Variants in C3orf49 observed in about 807,000 individuals in gnomAD.
C3orf49 encodes the protein putative uncharacterized protein C3orf49.
A neutral mutation model predicts 13.3 loss-of-function variants in C3orf49; 27 were observed. The observed-to-expected ratio is 2.02, with a 90% confidence interval of 1.49 to 2.79. The LOEUF (loss-of-function observed/expected upper bound fraction) is 2.79. C3orf49 is among the 30% of genes most tolerant of loss of function. The pLI is 0.00. For missense variants in C3orf49, 242 were observed against 134.2 expected (o/e 1.80, Z -3.97); for synonymous variants, 87 against 47.6 (o/e 1.83, Z -3.40).
the C3orf49 span, among the ~76,000 whole-genome samples, chr3:63,785,374 C>T: frequency 6.6e-6 from 1 of 151,980 alleles, no homozygotes; most frequent in Non-Finnish European, 1.5e-5. Context: ...GCCTGGCCTC[C>T]ACTGGACTTC....
chr3:63,816,903 G>A (rs1170407972), upstream of C3orf49, among the ~76,000 whole-genome samples: 2 of 150,650 alleles, frequency 1.3e-5, no homozygotes, highest in Admixed American at 6.6e-5. Context: ...CTCCTGAGTA[G>A]CTGGGACTAC....
chr3:63,793,401 CCCCCCTTTTATCCT>C, the C3orf49 span, among the ~76,000 whole-genome samples: 1 of 152,062 alleles, frequency 6.6e-6, no homozygotes, highest in Non-Finnish European at 1.5e-5. Flanking sequence ...TCATCAGCAA[CCCCCCTTTTATCCT>C]CCACCTCTTC....
intron 5 of C3orf49, chr3:63,839,880 T>A (rs1008838662): frequency 1.2e-6 from 1 of 866,364 alleles, no homozygotes; most frequent in Non-Finnish European, 1.8e-6. Flanking sequence ...TATTGAAATG[T>A]AAATGCATTT....
intron 6 of C3orf49, among the ~76,000 whole-genome samples, chr3:63,847,768 T>A (rs1191499402): frequency 6.6e-6 from 1 of 152,126 alleles, no homozygotes; most frequent in Non-Finnish European, 1.5e-5. Context: ...AACTCTGACA[T>A]AACTTTTAGT....
At chr3:63,814,082 A>G in the C3orf49 span, among the ~76,000 whole-genome samples, 2 of 152,206 alleles carry the variant, frequency 1.3e-5, no homozygotes, top group Non-Finnish European at 2.9e-5. Context: ...TAGCAAGAAG[A>G]TGCAAAAACA....
the C3orf49 span, among the ~76,000 whole-genome samples, chr3:63,800,689 G>A: frequency 6.6e-6 from 1 of 152,030 alleles, no homozygotes; most frequent in East Asian, 1.9e-4. Context: ...TAGCTAATAC[G>A]TTAATATTGC....
the C3orf49 span, among the ~76,000 whole-genome samples, chr3:63,808,962 T>G: frequency 6.6e-6 from 1 of 151,810 alleles, no homozygotes; most frequent in East Asian, 1.9e-4. Flanking sequence ...AAAATTAATG[T>G]GCTTTTTTTT....
At position 63,819,519 on chromosome 3, in the gene C3orf49, C is replaced by T; in HGVS notation, c.48C>T (p.Tyr16=). The change falls in exon 1 of 7, where the codon TAC becomes TAT. Residue 16 remains tyrosine, a synonymous_variant. Transcript: ENST00000295896. The part of the protein sequence containing the change: ...LYLPEPFKIA[Y]RKVGQCRRFQ... ...TACCAGAACCCTTTAAGATTGCCTA[C>T]AGAAAAGTTGGACAGTGCCGAAGAT... 1 of 703,116 alleles carries T rather than the reference C, an allele frequency of 1.4e-6. No homozygotes were observed. 43.6% of individuals were successfully genotyped at this position (703,116 alleles called of 1,614,324 possible). A position where few individuals can be genotyped will look rare whatever the true frequency, so the allele number is the denominator to read the frequency against.
intron 5 of C3orf49, chr3:63,835,314 A>G (rs1158108116): frequency 6.2e-7 from 1 of 1,613,534 alleles, no homozygotes; most frequent in South Asian, 1.1e-5. Flanking sequence ...CTAAATATAT[A>G]TGCGAATACC....
the C3orf49 span, among the ~76,000 whole-genome samples, chr3:63,808,294 T>C: frequency 1.3e-5 from 2 of 152,254 alleles, no homozygotes; most frequent in African/African-American, 4.8e-5. Flanking sequence ...AAATTCATTA[T>C]GTTTTATTAG....
At position 63,831,686 on chromosome 3, in the gene C3orf49, G is replaced by T; in HGVS notation, c.691G>T (p.Asp231Tyr). 1 of 703,008 alleles carries T rather than the reference G, an allele frequency of 1.4e-6. No individual in the cohort carries two copies. The highest frequency in any genetic ancestry group is 1.5e-5 in the South Asian group (1 of 67,554). The allele number at this position is 703,008 out of a possible 1,614,324, so 43.5% of individuals were successfully genotyped here. A position where few individuals can be genotyped will look rare whatever the true frequency, so the allele number is the denominator to read the frequency against. ...TTGTATTTATCTGTCATAGGTGGATGACCTCATAGAAACAGTGACTGATAA... is the reference window on the plus strand; with the variant it reads ...TTGTATTTATCTGTCATAGGTGGATTACCTCATAGAAACAGTGACTGATAA... The part of the protein sequence containing the change: ...TVGKLQMQVD[D>Y]LIETVTDKSM... The change falls in exon 5 of 7, where the codon GAC (aspartate) becomes TAC (tyrosine). Residue 231 changes from aspartate (D) to tyrosine (Y), a missense_variant. Asp to Tyr is a radical substitution (Grantham distance 160). Coordinates refer to ENST00000295896, the MANE Select transcript of C3orf49 (RefSeq NM_001355236.2).
At chr3:63,828,322 CAG>C (rs1402359509) in intron 3 of C3orf49, among the ~76,000 whole-genome samples, 4 of 152,136 alleles carry the variant, frequency 2.6e-5, no homozygotes, top group Admixed American at 1.3e-4. Flanking sequence ...TGTTTTGAGA[CAG>C]AGTCTCACTC....
chr3:63,823,540 C>T lies in C3orf49; in HGVS notation c.416C>T (p.Thr139Ile), dbSNP rs1278579176. 1.4e-6 allele frequency: 1 copy of T among 698,878 alleles called. No homozygotes were observed. Among genetic ancestry groups the T allele is most frequent in the Non-Finnish European group, 2.6e-6 (1 of 383,756 alleles). 43.3% of individuals were successfully genotyped at this position (698,878 alleles called of 1,614,324 possible). A position where few individuals can be genotyped will look rare whatever the true frequency, so the allele number is the denominator to read the frequency against. Reference sequence around the variant, plus strand: ...GAGTTTTCATCTCCCAAGTTATTTACAGCAAAAATGAGAAAGCTCTCAGAG... The same window carrying T: ...GAGTTTTCATCTCCCAAGTTATTTATAGCAAAAATGAGAAAGCTCTCAGAG... ...VKEFSSPKLFTAKMRKLSENA... is the reference protein window; with the variant it reads ...VKEFSSPKLFIAKMRKLSENA... Residue 139 changes from threonine (T) to isoleucine (I), a missense_variant, in exon 2 of 7, where the codon ACA (threonine) becomes ATA (isoleucine). Physicochemically the swap from Thr to Ile is moderately conservative, Grantham distance 89. Transcript: ENST00000295896.
At chr3:63,846,026 A>C (rs1423933435) in intron 6 of C3orf49, 1 of 208,262 alleles carries the variant, frequency 4.8e-6, no homozygotes, top group Non-Finnish European at 1.0e-5. Context: ...TCAAAGAGAC[A>C]GTCCTCTAAA....
chr3:63,785,333 A>G, the C3orf49 span, among the ~76,000 whole-genome samples: 2 of 151,878 alleles, frequency 1.3e-5, no homozygotes, highest in Admixed American at 1.3e-4. Flanking sequence ...CGGCCTCTCA[A>G]AGTGCTGGGA....
the C3orf49 span, among the ~76,000 whole-genome samples, chr3:63,809,353 A>G: frequency 1.3e-5 from 2 of 152,242 alleles, no homozygotes; most frequent in Admixed American, 6.5e-5. Context: ...AGACAAATTT[A>G]TGCTGTTTTA....
At chr3:63,786,486 G>T in the C3orf49 span, among the ~76,000 whole-genome samples, 2 of 152,190 alleles carry the variant, frequency 1.3e-5, no homozygotes, top group East Asian at 3.9e-4. Context: ...GAGAACTCAG[G>T]GATAATTTTG....
intron 5 of C3orf49, among the ~76,000 whole-genome samples, chr3:63,840,095 C>A (rs1176851729): frequency 6.6e-6 from 1 of 152,120 alleles, no homozygotes; most frequent in Non-Finnish European, 1.5e-5. Context: ...TGGCAGTCTA[C>A]TGGGTTGTTG....
chr3:63,806,851 CATTGTATTATAATTGCCTTTAGTTTGG>C, the C3orf49 span, among the ~76,000 whole-genome samples: 2 of 152,184 alleles, frequency 1.3e-5, no homozygotes, highest in African/African-American at 4.8e-5. Flanking sequence ...ACATTTGACA[CATTGTATTATAATTGCCTTTAGTTTGG>C]GTGACTCCTC....
Sources: allele counts gnomAD v4.1 joint callset (sites outside exome capture counted in the v4.1 genomes callset), GRCh38; gene constraint gnomAD v4.1.1; transcripts MANE v1.5; gene names NCBI Gene and HGNC (gene_info 2026-07-23, HGNC 2026-07-21).